Variants in INPP4A observed in about 807,000 individuals in gnomAD.
INPP4A encodes the protein inositol polyphosphate-4-phosphatase, type I, 107kD.
Under a neutral mutation model 119.8 loss-of-function variants are expected in INPP4A, and 33 were observed. That is an observed-to-expected ratio of 0.28 (90% CI 0.21 to 0.37). The LOEUF is 0.37. Among genes scored for constraint, INPP4A ranks in the 10% least tolerant of loss-of-function variants. INPP4A has a pLI of 1.00. For synonymous variants in INPP4A, 496 were observed against 500.7 expected (o/e 0.99, Z 0.12); for missense variants, 956 against 1,289.9 (o/e 0.74, Z 3.97).
chr2:98,585,601 G>C (rs181781465), intron 24 of INPP4A, among the ~76,000 whole-genome samples: 3 of 152,170 alleles, frequency 2.0e-5, no homozygotes, highest in Non-Finnish European at 4.4e-5. Context: ...TGCATGCCTC[G>C]CCCCGGGCCC....
chr2:98,520,815 T>G, intron 4 of INPP4A, 84 bp downstream of exon 4: 1 of 745,916 alleles, frequency 1.3e-6, no homozygotes, highest in Non-Finnish European at 2.2e-6. Context: ...GTGCATGGGC[T>G]TGTCTCAGAG....
At chr2:98,577,660 G>A (rs974793358) in intron 24 of INPP4A, among the ~76,000 whole-genome samples, 1 of 152,248 alleles carries the variant, frequency 6.6e-6, no homozygotes, top group African/African-American at 2.4e-5. Flanking sequence ...AGTGTCAAAT[G>A]AGTGTTTTAT....
chr2:98,452,875 A>G (rs983946212), intron 1 of INPP4A, among the ~76,000 whole-genome samples: 9 of 152,328 alleles, frequency 5.9e-5, no homozygotes, highest in South Asian at 2.1e-4. Flanking sequence ...TTCTGAAGCC[A>G]TTCCTGAAGT....
intron 4 of INPP4A, among the ~76,000 whole-genome samples, chr2:98,533,114 C>T (rs938551426): frequency 2.6e-5 from 4 of 152,228 alleles, no homozygotes; most frequent in Admixed American, 6.5e-5. Context: ...TTGTGTTCCA[C>T]TCCATGGACA....
In INPP4A at chr2:98,591,020, A is replaced by G. The variant is rs1038514271; in HGVS notation, c.*3412A>G. The G allele has an allele frequency of 1.3e-5, 3 of 227,208 alleles. No individual in the cohort carries two copies. Among genetic ancestry groups the G allele is most frequent in the Non-Finnish European group, 2.6e-5 (3 of 114,402 alleles). The allele number at this position is 227,208 out of a possible 1,614,324, so 14.1% of individuals were successfully genotyped here. A position where few individuals can be genotyped will look rare whatever the true frequency, so the allele number is the denominator to read the frequency against. On this transcript the variant is annotated 3_prime_UTR_variant, in exon 25 of 25. Transcript: ENST00000409851. Reference sequence around the variant, plus strand: ...ATAGATTGTTTTTAATATACAATGTATTAGCCCCTGTCATATGTTGCACAC... The same window carrying G: ...ATAGATTGTTTTTAATATACAATGTGTTAGCCCCTGTCATATGTTGCACAC...
chr2:98,518,319 ATAGGAGCATAGCC>A (rs1262317143), intron 1 of INPP4A, among the ~76,000 whole-genome samples: 1 of 152,194 alleles, frequency 6.6e-6, no homozygotes, highest in African/African-American at 2.4e-5. Flanking sequence ...AGTGGGAGGG[ATAGGAGCATAGCC>A]TGTGAGAGAA....
chr2:98,508,109 C>T (rs1324037884), intron 1 of INPP4A, among the ~76,000 whole-genome samples: 1 of 152,176 alleles, frequency 6.6e-6, no homozygotes, highest in African/African-American at 2.4e-5. Flanking sequence ...TGCAGCCACA[C>T]CTCTCCTGAA....
chr2:98,539,837 G>T (rs1691056235), intron 10 of INPP4A, among the ~76,000 whole-genome samples, 162 bp downstream of exon 10: 1 of 152,204 alleles, frequency 6.6e-6, no homozygotes, highest in Non-Finnish European at 1.5e-5. Flanking sequence ...GCCTCAGTTT[G>T]CTCATTGGGA....
chr2:98,449,605 C>G (rs1694877676), intron 1 of INPP4A, among the ~76,000 whole-genome samples: 2 of 152,156 alleles, frequency 1.3e-5, no homozygotes, highest in Non-Finnish European at 2.9e-5. Flanking sequence ...CCAAAGAGTC[C>G]TGGTTTCCTT....
At chr2:98,506,561 A>C (rs1298233151) in intron 1 of INPP4A, among the ~76,000 whole-genome samples, 1 of 152,198 alleles carries the variant, frequency 6.6e-6, no homozygotes, top group Non-Finnish European at 1.5e-5. Context: ...GTTTCCTCCC[A>C]TGGAGACCAG....
chr2:98,485,415 G>A (rs1679339710), intron 1 of INPP4A, among the ~76,000 whole-genome samples: 1 of 152,244 alleles, frequency 6.6e-6, no homozygotes, highest in East Asian at 1.9e-4. Context: ...TGTGGGGGGT[G>A]GGGTTTCCCT....
chr2:98,492,090 A>G (rs184503338), intron 1 of INPP4A, among the ~76,000 whole-genome samples: 1 of 152,250 alleles, frequency 6.6e-6, no homozygotes, highest in African/African-American at 2.4e-5. Flanking sequence ...GGGTTTCACC[A>G]TATTGGCCAG....
chr2:98,572,749 G>A (rs1249349761), intron 22 of INPP4A, 66 bp from the exon 23 acceptor site: 4 of 1,101,992 alleles, frequency 3.6e-6, no homozygotes, highest in Non-Finnish European at 5.2e-6. Context: ...CACTTGGGTG[G>A]GCTCCCTCTG....
Position 98,581,527 on chromosome 2 carries a change from T to C in INPP4A, c.2786+4384T>C, listed in dbSNP as rs1157300920. On this transcript the variant is annotated intron_variant, in intron 24 of 24. Transcript: ENST00000409851. ...GTCTTCTTTTTTTCTTTATTTTCTT[T>C]CCTTTCCTTTTTCCTTTTTCTTTCT... is the stretch of plus-strand genomic sequence containing the variant. 2.0e-6 allele frequency: 3 copies of C among 1,491,464 alleles called. No homozygotes were observed. In the African/African-American group the frequency reaches 4.3e-5, roughly 21 times the overall value. The allele number at this position is 1,491,464 out of a possible 1,614,324, so 92.4% of individuals were successfully genotyped here.
intron 10 of INPP4A, among the ~76,000 whole-genome samples, chr2:98,540,366 A>G (rs1018448129): frequency 1.3e-5 from 2 of 152,240 alleles, no homozygotes; most frequent in African/African-American, 4.8e-5. Flanking sequence ...AAGACTGAGT[A>G]TAACCTGTCA....
chr2:98,552,537 A>T (rs1693719127), intron 13 of INPP4A: 1 of 621,352 alleles, frequency 1.6e-6, no homozygotes, highest in Non-Finnish European at 3.0e-6. Context: ...ATACACAAGT[A>T]AAAATACAGA....
intron 1 of INPP4A, among the ~76,000 whole-genome samples, chr2:98,505,464 C>T (rs1424904613): frequency 1.3e-5 from 2 of 152,120 alleles, no homozygotes; most frequent in Non-Finnish European, 2.9e-5. Context: ...AAAGAGAGGA[C>T]GTGGGAGCTT....
chr2:98,532,697 G>T (rs918716146), intron 4 of INPP4A, among the ~76,000 whole-genome samples: 4 of 151,448 alleles, frequency 2.6e-5, no homozygotes, highest in African/African-American at 9.7e-5. Flanking sequence ...GTAAGTATTT[G>T]TGTGTCTAAA....
intron 13 of INPP4A, among the ~76,000 whole-genome samples, chr2:98,552,248 C>T (rs1293349012): frequency 6.6e-6 from 1 of 152,204 alleles, no homozygotes; most frequent in Non-Finnish European, 1.5e-5. Context: ...TTGCTGGGGT[C>T]AGACATGAGA....
Sources: gnomAD v4.1 joint callset for allele counts (sites outside exome capture counted in the v4.1 genomes callset) on GRCh38, gnomAD v4.1.1 for gene constraint, MANE v1.5 for transcripts, NCBI Gene and HGNC (gene_info 2026-07-23, HGNC 2026-07-21) for gene names.